Variants in PDE4B observed in about 807,000 individuals in gnomAD.
The protein encoded by PDE4B is 3',5'-cyclic-AMP phosphodiesterase 4B.
PDE4B carries 20 observed loss-of-function variants against 82.2 expected under a neutral mutation model. The ratio of observed to expected loss-of-function variants is 0.24; its 90% CI spans 0.17 to 0.35. PDE4B has a LOEUF of 0.35. Ranked by LOEUF, PDE4B falls within the 10% of genes least tolerant of loss-of-function variation. PDE4B has a pLI of 1.00. For missense variants in PDE4B, 655 were observed against 907.2 expected (o/e 0.72, Z 3.57); for synonymous variants, 320 against 318.9 (o/e 1.00, Z -0.04).
At chr1:66,308,469 A>G (rs569794172) in intron 7 of PDE4B, among the ~76,000 whole-genome samples, 25 of 152,320 alleles carry the variant, frequency 1.6e-4, no homozygotes, top group Admixed American at 1.0e-3. Context: ...ATAACTGCCA[A>G]TTCCATAGAA....
chr1:66,285,560 T>A (rs1656617740), intron 7 of PDE4B, among the ~76,000 whole-genome samples: 1 of 152,110 alleles, frequency 6.6e-6, no homozygotes, highest in African/African-American at 2.4e-5. Context: ...ATGTGTCCAC[T>A]GTTTAACTCC....
intron 3 of PDE4B, among the ~76,000 whole-genome samples, chr1:66,160,144 A>G (rs1646581867): frequency 1.3e-5 from 2 of 152,220 alleles, no homozygotes. Flanking sequence ...TCACAATACC[A>G]TAAGGCATAA....
intron 1 of PDE4B, among the ~76,000 whole-genome samples, chr1:65,805,790 C>T (rs964687617): frequency 3.2e-4 from 49 of 152,238 alleles, no homozygotes; most frequent in African/African-American, 1.1e-3. Flanking sequence ...ATTTCCATGT[C>T]TGTTGGCTGT....
intron 1 of PDE4B, among the ~76,000 whole-genome samples, chr1:65,826,765 TC>T (rs1038709846): frequency 1.3e-5 from 2 of 152,140 alleles, no homozygotes; most frequent in African/African-American, 4.8e-5. Context: ...CAGCAATACT[TC>T]CGGAGGAGAA....
At chr1:66,352,246 T>C (rs1383799011) in intron 8 of PDE4B, among the ~76,000 whole-genome samples, 1 of 152,176 alleles carries the variant, frequency 6.6e-6, no homozygotes, top group African/African-American at 2.4e-5. Context: ...GACTATGTTT[T>C]TTGGTAGCAT....
rs1437700312 is a variant in PDE4B, at chr1:66,265,636, G to A, written c.585-402G>A. ...GGGCCTGAAGTGATTGATCGCCAAGGGTTCCTCTGGCTATAACTTTTTACA... is the reference window on the plus strand; with the variant it reads ...GGGCCTGAAGTGATTGATCGCCAAGAGTTCCTCTGGCTATAACTTTTTACA... On this transcript the variant is annotated intron_variant, in intron 6 of 16. Coordinates refer to ENST00000341517, the MANE Select transcript of PDE4B (RefSeq NM_002600.4). 2.0e-5 allele frequency among the ~76,000 whole-genome samples: 3 copies of A among 152,132 alleles called. No individual in the cohort carries two copies. The South Asian group carries it at 6.2e-4, about 32-fold the overall frequency.
chr1:65,992,776 T>A, intron 3 of PDE4B: 2 of 1,420,806 alleles, frequency 1.4e-6, no homozygotes. Context: ...CGCTCATACA[T>A]TGGAGTCACA....
intron 3 of PDE4B, among the ~76,000 whole-genome samples, chr1:66,222,167 T>G (rs1651041718): frequency 6.6e-6 from 1 of 152,132 alleles, no homozygotes; most frequent in African/African-American, 2.4e-5. Flanking sequence ...TGTTACAGAT[T>G]GGAGTAAGGA....
chr1:65,916,301 G>A (rs1647158765), intron 2 of PDE4B, among the ~76,000 whole-genome samples: 1 of 152,052 alleles, frequency 6.6e-6, no homozygotes. Flanking sequence ...ATTAGTGTGG[G>A]AAATATTTTG....
At chr1:66,067,193 G>A (rs1407113105) in intron 3 of PDE4B, among the ~76,000 whole-genome samples, 7 of 151,942 alleles carry the variant, frequency 4.6e-5, no homozygotes, top group Non-Finnish European at 1.0e-4. Context: ...TAATCCTTTG[G>A]GTATATACCC....
chr1:66,170,547 T>C (rs2101332765), intron 3 of PDE4B, among the ~76,000 whole-genome samples: 1 of 152,308 alleles, frequency 6.6e-6, no homozygotes, highest in African/African-American at 2.4e-5. Flanking sequence ...GTTGGATTCT[T>C]ACTAAAAGAA....
At chr1:65,971,956 A>G (rs1197734993) in intron 3 of PDE4B, among the ~76,000 whole-genome samples, 1 of 152,166 alleles carries the variant, frequency 6.6e-6, no homozygotes, top group African/African-American at 2.4e-5. Flanking sequence ...CAAGTCTTGT[A>G]TCTTATGAAT....
chr1:65,839,495 C>T (rs1646182812), intron 1 of PDE4B, among the ~76,000 whole-genome samples: 1 of 152,134 alleles, frequency 6.6e-6, no homozygotes, highest in Non-Finnish European at 1.5e-5. Context: ...GTTCAACTCC[C>T]ACTTATGAGT....
chr1:66,106,905 A>C (rs895090197), intron 3 of PDE4B, among the ~76,000 whole-genome samples: 1 of 132,444 alleles, frequency 7.6e-6, no homozygotes, highest in East Asian at 2.3e-4. Context: ...GGATTCATTA[A>C]TTTTTTGAAG....
intron 7 of PDE4B, among the ~76,000 whole-genome samples, chr1:66,275,134 A>T (rs1228033871): frequency 2.6e-5 from 4 of 152,204 alleles, no homozygotes; most frequent in Non-Finnish European, 4.4e-5. Flanking sequence ...GCAAAAAAAG[A>T]TTGTCAAATT....
At chr1:65,850,075 A>T (rs1646312916) in intron 1 of PDE4B, among the ~76,000 whole-genome samples, 1 of 149,674 alleles carries the variant, frequency 6.7e-6, no homozygotes, top group Non-Finnish European at 1.5e-5. Context: ...CAGTTACTCC[A>T]TATCATCACC....
intron 1 of PDE4B, among the ~76,000 whole-genome samples, chr1:65,856,531 T>G (rs1453762100): frequency 2.0e-5 from 3 of 152,198 alleles, no homozygotes; most frequent in African/African-American, 7.2e-5. Flanking sequence ...TATGACTGCA[T>G]AGTATTCCAT....
intron 1 of PDE4B, among the ~76,000 whole-genome samples, chr1:65,808,265 G>A (rs950138579): frequency 6.7e-6 from 1 of 149,394 alleles, no homozygotes; most frequent in African/African-American, 2.5e-5. Flanking sequence ...TTCAACTCCT[G>A]GGCTCAAGTG....
chr1:65,905,257 C>T (rs1647016215), intron 1 of PDE4B, among the ~76,000 whole-genome samples: 1 of 152,066 alleles, frequency 6.6e-6, no homozygotes, highest in Non-Finnish European at 1.5e-5. Flanking sequence ...TCCATAAAGG[C>T]TTTTCTGAAC....
Sources: allele counts gnomAD v4.1 joint callset (sites outside exome capture counted in the v4.1 genomes callset), GRCh38; gene constraint gnomAD v4.1.1; transcripts MANE v1.5; gene names NCBI Gene and HGNC (gene_info 2026-07-23, HGNC 2026-07-21).